Variants in WDFY3 observed in about 807,000 individuals in gnomAD.
WDFY3 encodes WD repeat and FYVE domain containing 3, also known as WD repeat and FYVE domain-containing protein 3.
WDFY3 carries 66 observed loss-of-function variants against 409.6 expected under a neutral mutation model. The observed-to-expected ratio is 0.16, with a 90% CI of 0.13 to 0.20. The LOEUF is 0.20. Ranked by LOEUF, WDFY3 falls within the 10% of genes least tolerant of loss-of-function variation. The probability of loss-of-function intolerance (pLI) is 1.00; values close to 1 mark genes in which losing one functional copy is unlikely to be tolerated. For missense variants in WDFY3, 3,031 were observed against 4,298.1 expected, an observed-to-expected ratio of 0.71 and a Z score of 8.24; for synonymous variants, 1,521 against 1,537.1, an observed-to-expected ratio of 0.99 and a Z score of 0.25.
chr4:84,834,476 A>C (rs1756265751), intron 7 of WDFY3, among the ~76,000 whole-genome samples: 1 of 150,532 alleles, frequency 6.6e-6, no homozygotes, highest in Admixed American at 6.6e-5. Flanking sequence ...GTGAAACCTC[A>C]TCTCTACTAA....
chr4:84,739,266 G>T, intron 39 of WDFY3, 147 bp from the exon 40 acceptor site: 1 of 711,956 alleles, frequency 1.4e-6, no homozygotes, highest in Non-Finnish European at 2.3e-6. Context: ...TTGCCAGGAA[G>T]ATGCCATTTT....
intron 54 of WDFY3, among the ~76,000 whole-genome samples, chr4:84,704,915 T>G (rs1450125769): frequency 6.6e-6 from 1 of 152,232 alleles, no homozygotes; most frequent in Non-Finnish European, 1.5e-5. Context: ...GCTTAGGCTT[T>G]CTTTCTCCTT....
intron 9 of WDFY3, among the ~76,000 whole-genome samples, chr4:84,828,115 G>A (rs1755129838): frequency 6.6e-6 from 1 of 151,642 alleles, no homozygotes; most frequent in South Asian, 2.1e-4. Flanking sequence ...GGAAGGAAGG[G>A]AGGGAGACAA....
intron 25 of WDFY3, among the ~76,000 whole-genome samples, chr4:84,781,202 G>C (rs1746444364): frequency 6.7e-6 from 1 of 149,622 alleles, no homozygotes; most frequent in African/African-American, 2.5e-5. Context: ...TAGAAACACA[G>C]TCCTGGAACT....
chr4:84,949,949 G>A (rs562034805), intron 1 of WDFY3, among the ~76,000 whole-genome samples: 15 of 152,284 alleles, frequency 9.9e-5, no homozygotes, highest in Middle Eastern at 3.4e-3. Context: ...TGCTGTTCGC[G>A]TATGTTTATT....
chr4:84,766,452 A>G (rs1743653566), intron 30 of WDFY3, 80 bp from the exon 31 acceptor site: 1 of 1,349,518 alleles, frequency 7.4e-7, no homozygotes, highest in South Asian at 1.4e-5. Flanking sequence ...TGGAAAGTTT[A>G]CTGAAAAATA....
intron 2 of WDFY3, among the ~76,000 whole-genome samples, chr4:84,931,421 T>C (rs909840982): frequency 6.6e-6 from 1 of 152,194 alleles, no homozygotes; most frequent in Non-Finnish European, 1.5e-5. Context: ...TTATAAGGTA[T>C]TATGCTTGGG....
chr4:84,932,966 T>C (rs1428641204), intron 1 of WDFY3, among the ~76,000 whole-genome samples: 27 of 152,180 alleles, frequency 1.8e-4, no homozygotes, highest in Admixed American at 1.8e-3. Flanking sequence ...CATTAGCATA[T>C]GAATCATGAG....
At chr4:84,674,341 G>A (rs375864060) in intron 67 of WDFY3, among the ~76,000 whole-genome samples, 6 of 152,104 alleles carry the variant, frequency 3.9e-5, no homozygotes, top group Non-Finnish European at 7.3e-5. Flanking sequence ...AGGCTGAGGC[G>A]GGGGTACTGC....
chr4:84,775,310 A>C (rs904578766), intron 27 of WDFY3, among the ~76,000 whole-genome samples, 172 bp from the exon 28 acceptor site: 1 of 152,084 alleles, frequency 6.6e-6, no homozygotes, highest in Non-Finnish European at 1.5e-5. Context: ...ATTGGCCAAA[A>C]AAATGACCAA....
At chr4:84,710,685 T>G (rs1732734077) in intron 51 of WDFY3, among the ~76,000 whole-genome samples, 1 of 152,204 alleles carries the variant, frequency 6.6e-6, no homozygotes, top group South Asian at 2.1e-4. Context: ...AAGATTAAAG[T>G]TGGAAATGAA....
Position 84,682,351 on chromosome 4 carries a change from C to A in WDFY3, c.9823+23G>T. On this transcript the variant is annotated intron_variant, in intron 64 of 67. Coordinates refer to ENST00000295888, the MANE Select transcript of WDFY3 (RefSeq NM_014991.6). ...AAAGAAATATGAAAACGATTTGAGT[C>A]ATTTTTAGAAAGTATTAAATACCTA... is the stretch of plus-strand genomic sequence containing the variant. The A allele has an allele frequency of 3.8e-6, 6 of 1,595,812 alleles. No individual in the cohort carries two copies. The South Asian group carries it at 5.6e-5, about 15-fold the overall frequency.
intron 32 of WDFY3, among the ~76,000 whole-genome samples, chr4:84,758,489 G>A: frequency 6.6e-6 from 1 of 152,212 alleles, no homozygotes; most frequent in South Asian, 2.1e-4. Flanking sequence ...GTCAAATGAT[G>A]CTCCCGTCTT....
intron 48 of WDFY3, 43 bp from the exon 49 acceptor site, chr4:84,717,059 G>A: frequency 1.3e-6 from 2 of 1,521,622 alleles, no homozygotes; most frequent in African/African-American, 1.4e-5. Flanking sequence ...ACACAGCAAG[G>A]GATAAATTCA....
At chr4:84,832,169 A>G (rs993579949) in intron 7 of WDFY3, among the ~76,000 whole-genome samples, 1 of 152,200 alleles carries the variant, frequency 6.6e-6, no homozygotes, top group East Asian at 1.9e-4. Flanking sequence ...AAAAAGAATG[A>G]AATTTTGTCA....
At chr4:84,854,130 G>A (rs559684874) in intron 4 of WDFY3, among the ~76,000 whole-genome samples, 8 of 152,262 alleles carry the variant, frequency 5.3e-5, no homozygotes, top group South Asian at 2.1e-4. Context: ...CTGAAGAAGC[G>A]ACACTGGTGC....
intron 2 of WDFY3, among the ~76,000 whole-genome samples, chr4:84,910,500 G>GA (rs1387384722): frequency 2.0e-5 from 3 of 152,016 alleles, no homozygotes; most frequent in Non-Finnish European, 4.4e-5. Flanking sequence ...CAGAGCCCAG[G>GA]AAAAAACTCT....
intron 2 of WDFY3, among the ~76,000 whole-genome samples, chr4:84,906,130 A>C (rs1023088192): frequency 6.6e-6 from 1 of 152,226 alleles, no homozygotes; most frequent in African/African-American, 2.4e-5. Context: ...AATGCCTGTC[A>C]TGTAAATTTT....
chr4:84,713,127 A>T, intron 51 of WDFY3, 32 bp downstream of exon 51: 1 of 1,602,596 alleles, frequency 6.2e-7, no homozygotes, highest in Non-Finnish European at 8.6e-7. Context: ...CTTCACTATT[A>T]AACTGTAACA....
Sources: allele counts gnomAD v4.1 joint callset (sites outside exome capture counted in the v4.1 genomes callset), GRCh38; gene constraint gnomAD v4.1.1; transcripts MANE v1.5; gene names NCBI Gene and HGNC (gene_info 2026-07-23, HGNC 2026-07-21).